TRIM16: variants seen among roughly 807,000 people sequenced by gnomAD.
TRIM16 encodes the protein tripartite motif-containing protein 16.
In TRIM16, 33 loss-of-function variants were observed where a neutral mutation model predicts 50.4. The observed-to-expected ratio is 0.65, with a 90% CI of 0.50 to 0.88. The LOEUF (loss-of-function observed/expected upper bound fraction) is 0.88. Ranked by LOEUF, TRIM16 falls within the 40% of genes least tolerant of loss-of-function variation. The pLI is 0.00. For synonymous variants in TRIM16, 229 were observed against 270.7 expected, an observed-to-expected ratio of 0.85 and a Z score of 1.51; for missense variants, 581 against 686.8, an observed-to-expected ratio of 0.85 and a Z score of 1.72.
chr17:15,660,486 G>T (rs1988176065), intron 6 of TRIM16, among the ~76,000 whole-genome samples: 1 of 152,174 alleles, frequency 6.6e-6, no homozygotes, highest in Non-Finnish European at 1.5e-5. Flanking sequence ...CTATACCCCT[G>T]ATTGTCTGCA....
At chr17:15,637,118 G>GC (rs1177029789) in intron 8 of TRIM16, among the ~76,000 whole-genome samples, 2 of 126,994 alleles carry the variant, frequency 1.6e-5, no homozygotes, top group Admixed American at 1.5e-4. Flanking sequence ...AGGGAGGTGG[G>GC]GGGGGGGGGT....
At position 15,683,060 on chromosome 17, in the gene TRIM16, A is replaced by C. The variant is rs1327043143; in HGVS notation, c.-801T>G. 6.4e-7 allele frequency: 1 copy of C among 1,550,586 alleles called. No homozygotes were observed. The highest frequency in any genetic ancestry group is 1.2e-5 in the South Asian group (1 of 84,064). On this transcript the variant is annotated 5_prime_UTR_variant, in exon 2 of 12. The change creates a new upstream start codon in the 5' untranslated region. Coordinates refer to ENST00000649191, the MANE Select transcript of TRIM16 (RefSeq NM_001348119.1). ...CCTCTGTTCTGGAGTTTGCAGGTCC[A>C]ATCCTCCATAATCATAGCCTTTGCT...
rs144076432 is a variant in TRIM16 at position 15,630,414 on chromosome 17, T to A, written c.1111+1205A>T. On this transcript the variant is annotated intron_variant, in intron 11 of 11. Transcript: ENST00000649191. ...TGTTTCCTGCTTGTCCTCCCTCTAA[T>A]CTATCAGCTTCACATTTTGCATGGG... 4.4e-3 allele frequency among the ~76,000 whole-genome samples: 676 copies of A among 152,314 alleles called. 5 individuals are homozygous for A. Among genetic ancestry groups the A allele is most frequent in the Middle Eastern group, 0.034 (10 of 294 alleles).
intron 9 of TRIM16, among the ~76,000 whole-genome samples, chr17:15,633,954 G>C (rs1250898748): frequency 6.9e-6 from 1 of 144,506 alleles, no homozygotes; most frequent in Non-Finnish European, 1.5e-5. Flanking sequence ...CAGCACTTTG[G>C]GGGGCCGAGG....
intron 6 of TRIM16, among the ~76,000 whole-genome samples, chr17:15,665,031 CAAAAAAAAAAAAA>C (rs10559243): frequency 1.3e-5 from 1 of 75,820 alleles, no homozygotes; most frequent in Admixed American, 1.5e-4. Context: ...GACTCCGTCT[CAAAAAAAAAAAAA>C]AAAAAAAAAG....
chr17:15,679,286 A>G (rs1989078360), intron 4 of TRIM16, among the ~76,000 whole-genome samples: 1 of 152,230 alleles, frequency 6.6e-6, no homozygotes, highest in South Asian at 2.1e-4. Flanking sequence ...AAGCACCAGA[A>G]CGCTCTTTGT....
chr17:15,638,337 C>G (rs1167166130), intron 8 of TRIM16, among the ~76,000 whole-genome samples: 5 of 146,388 alleles, frequency 3.4e-5, no homozygotes, highest in African/African-American at 1.3e-4. Flanking sequence ...CTTTGGGAGG[C>G]TGAGGTGGGC....
intron 7 of TRIM16, among the ~76,000 whole-genome samples, chr17:15,649,987 G>A (rs1987606519): frequency 2.0e-5 from 3 of 152,150 alleles, no homozygotes; most frequent in African/African-American, 7.2e-5. Context: ...TGGGAACACT[G>A]GAAACAGTTT....
At chr17:15,662,188 G>A (rs1043527048) in intron 6 of TRIM16, among the ~76,000 whole-genome samples, 7 of 152,168 alleles carry the variant, frequency 4.6e-5, no homozygotes, top group African/African-American at 1.2e-4. Context: ...CACTGATGGC[G>A]TTTCCTTGGC....
intron 7 of TRIM16, among the ~76,000 whole-genome samples, chr17:15,648,271 A>C (rs906300234): frequency 5.9e-5 from 9 of 151,566 alleles, no homozygotes; most frequent in South Asian, 4.2e-4. Context: ...AAACAAAAAA[A>C]CACAAAGGGG....
chr17:15,632,938 C>T, intron 9 of TRIM16: 1 of 343,302 alleles, frequency 2.9e-6, no homozygotes, highest in South Asian at 7.0e-5. Context: ...ACTAGATGGC[C>T]ATGAACAGCT....
chr17:15,665,549 A>G (rs1332981417), intron 6 of TRIM16, among the ~76,000 whole-genome samples: 1 of 152,206 alleles, frequency 6.6e-6, no homozygotes, highest in East Asian at 1.9e-4. Flanking sequence ...AGAAAACAAC[A>G]TAATGTATCG....
chr17:15,638,933 G>A lies in TRIM16; in HGVS notation c.616-2664C>T, dbSNP rs568539899. Among the ~76,000 whole-genome samples, 28 of 146,338 alleles carry A rather than the reference G, an allele frequency of 1.9e-4. No individual in the cohort carries two copies. The East Asian group carries it at 2.6e-3, about 14-fold the overall frequency. The stretch of plus-strand genomic sequence containing the variant: ...ACTCCACGAGAATGGTCTCTGATCA[G>A]TCTTCAATCTGGTGGCAAAGGGAAG... On this transcript the variant is annotated intron_variant, in intron 8 of 11. Coordinates refer to ENST00000649191, the MANE Select transcript of TRIM16 (RefSeq NM_001348119.1).
chr17:15,666,438 A>T (rs1368244669), intron 6 of TRIM16, among the ~76,000 whole-genome samples: 2 of 152,162 alleles, frequency 1.3e-5, no homozygotes, highest in East Asian at 1.9e-4. Context: ...ACATGCAATA[A>T]AATTCACCTA....
At chr17:15,653,539 C>T (rs1442663508) in intron 6 of TRIM16, among the ~76,000 whole-genome samples, 1 of 152,200 alleles carries the variant, frequency 6.6e-6, no homozygotes, top group Non-Finnish European at 1.5e-5. Context: ...CCTTGGCTTG[C>T]AGATGGCTTC....
At chr17:15,678,750 A>G (rs1989052636) in intron 4 of TRIM16, among the ~76,000 whole-genome samples, 1 of 152,246 alleles carries the variant, frequency 6.6e-6, no homozygotes, top group South Asian at 2.1e-4. Context: ...AAACTAATTC[A>G]GAAATCAGCA....
intron 6 of TRIM16, among the ~76,000 whole-genome samples, chr17:15,673,569 T>C (rs1010672991): frequency 3.3e-5 from 5 of 151,696 alleles, no homozygotes; most frequent in South Asian, 2.1e-4. Context: ...TCCTATACAA[T>C]TGGATTACTC....
chr17:15,633,601 G>A (rs1364329602), intron 9 of TRIM16, among the ~76,000 whole-genome samples: 5 of 143,320 alleles, frequency 3.5e-5, no homozygotes, highest in South Asian at 2.3e-4. Context: ...GTGCAATGGC[G>A]CAATCTCGGC....
chr17:15,641,421 T>G (rs548093439), intron 8 of TRIM16, among the ~76,000 whole-genome samples: 1 of 149,030 alleles, frequency 6.7e-6, no homozygotes, highest in Admixed American at 6.6e-5. Context: ...TATTGTCATC[T>G]CTCCATGTCT....
Sources: gnomAD v4.1 joint callset for allele counts (sites outside exome capture counted in the v4.1 genomes callset) on GRCh38, gnomAD v4.1.1 for gene constraint, MANE v1.5 for transcripts, NCBI Gene and HGNC (gene_info 2026-07-23, HGNC 2026-07-21) for gene names.